ARID1B: variants seen among roughly 807,000 people sequenced by gnomAD.
ARID1B encodes the protein AT-rich interaction domain 1B, also known as AT-rich interactive domain-containing protein 1B.
Under a neutral mutation model 212.3 loss-of-function variants are expected in ARID1B, and 30 were observed. The ratio of observed to expected loss-of-function variants is 0.14; its 90% CI spans 0.11 to 0.19. The LOEUF (loss-of-function observed/expected upper bound fraction) is 0.19. ARID1B is among the 10% of genes least tolerant of loss of function. The probability of loss-of-function intolerance (pLI) is 1.00; values close to 1 mark genes in which losing one functional copy is unlikely to be tolerated. For synonymous variants in ARID1B, 1,402 were observed against 1,301.7 expected, an observed-to-expected ratio of 1.08 and a Z score of -1.66; for missense variants, 2,891 against 3,204.0, an observed-to-expected ratio of 0.90 and a Z score of 2.36.
At chr6:156,918,067 A>G (rs140888216) in intron 3 of ARID1B, among the ~76,000 whole-genome samples, 1 of 152,370 alleles carries the variant, frequency 6.6e-6, no homozygotes, top group East Asian at 1.9e-4. Flanking sequence ...TAATCCACAT[A>G]GTAAGCAAAA....
intron 17 of ARID1B, 94 bp downstream of exon 17, chr6:157,199,001 A>G (rs986724537): frequency 2.9e-6 from 3 of 1,041,782 alleles, no homozygotes; most frequent in Non-Finnish European, 4.1e-6. Flanking sequence ...ATTTTCAGAC[A>G]TCTAACAAAA....
rs996003880 is a variant in ARID1B at position 156,812,937 on chromosome 6, T to G, written c.1792-16290T>G. On this transcript the variant is annotated intron_variant, in intron 1 of 19. Transcript: ENST00000636930. The stretch of plus-strand genomic sequence containing the variant: ...AAATAGAAAATTATAATCCTGGGTG[T>G]GTGTGTGTGTGTGTGTGTGTGTGTG... Among the ~76,000 whole-genome samples, 18 of 59,826 alleles carry G rather than the reference T, an allele frequency of 3.0e-4. 1 individual carries two copies. Among genetic ancestry groups the G allele is most frequent in the African/African-American group, 1.5e-3 (14 of 9,456 alleles). 39.2% of individuals were successfully genotyped at this position (59,826 alleles called of 152,430 possible).
intron 4 of ARID1B, among the ~76,000 whole-genome samples, chr6:157,018,212 CTTTTTT>C (rs1208883079): frequency 6.8e-4 from 49 of 72,458 alleles, no homozygotes; most frequent in African/African-American, 2.7e-3. Flanking sequence ...AAGTAGTATG[CTTTTTT>C]TTTTTTTTTT....
intron 4 of ARID1B, among the ~76,000 whole-genome samples, chr6:157,004,917 T>TGC (rs1562542463): frequency 8.0e-6 from 1 of 125,696 alleles, no homozygotes; most frequent in Non-Finnish European, 1.7e-5. Flanking sequence ...TTTTTTTTTT[T>TGC]TTTTTTTTTT....
intron 5 of ARID1B, among the ~76,000 whole-genome samples, chr6:157,093,743 T>G (rs545843122): frequency 1.8e-4 from 28 of 152,330 alleles, no homozygotes; most frequent in African/African-American, 6.5e-4. Flanking sequence ...ATTACTTCAT[T>G]TGATGGTTTT....
chr6:157,118,369 T>C (rs1236152490), intron 6 of ARID1B, among the ~76,000 whole-genome samples: 1 of 152,248 alleles, frequency 6.6e-6, no homozygotes, highest in African/African-American at 2.4e-5. Flanking sequence ...GAAAATATTC[T>C]CTTAATCTAC....
chr6:157,177,084 T>G (rs147170833), intron 11 of ARID1B, among the ~76,000 whole-genome samples: 190 of 152,342 alleles, frequency 1.2e-3, no homozygotes, highest in African/African-American at 4.2e-3. Context: ...AACTTTGTTT[T>G]CTGATTATAA....
At chr6:156,871,758 G>A in intron 2 of ARID1B, 1 of 1,350,668 alleles carries the variant, frequency 7.4e-7, no homozygotes, top group East Asian at 2.5e-5. Context: ...CAGGAACAGG[G>A]GCTTCTTAGA....
rs769362465 is a variant in ARID1B, at chr6:157,201,001, T to C, written c.4776T>C (p.Asn1592=). 3 of 1,614,138 alleles carry C rather than the reference T, an allele frequency of 1.9e-6. No homozygotes were observed. Among genetic ancestry groups the C allele is most frequent in the Admixed American group, 1.7e-5 (1 of 60,018 alleles). ...AGCAGAATATGTGGGCAGCACGCAA[T>C]GATATGCCTTATCCCTACCAGAACA... ...GPQQNMWAAR[N]DMPYPYQNRQ... is the part of the protein sequence containing the mutation. Residue 1592 remains asparagine, a synonymous_variant, in exon 18 of 20, where the codon AAT becomes AAC. Coordinates refer to ENST00000636930, the MANE Select transcript of ARID1B (RefSeq NM_001374828.1). This position sits in a 1 kb window ranked among gnomAD's most constrained non-coding sequence, Gnocchi z 5.2.
chr6:157,039,680 TCCTTCCTTCCTTCC>T (rs756781807), intron 4 of ARID1B, among the ~76,000 whole-genome samples: 3,950 of 100,316 alleles, frequency 0.039, 149 homozygotes, highest in Non-Finnish European at 0.059. Flanking sequence ...CTTCCTTCCT[TCCTTCCTTCCTTCC>T]TTCTTTCTTT....
chr6:156,824,394 G>A (rs2128028738), intron 1 of ARID1B, among the ~76,000 whole-genome samples: 1 of 152,306 alleles, frequency 6.6e-6, no homozygotes, highest in East Asian at 1.9e-4. Context: ...GGCTGTTTTC[G>A]ATGTGGATGA....
At chr6:157,182,927 T>G (rs1792670759) in intron 12 of ARID1B, among the ~76,000 whole-genome samples, 1 of 152,152 alleles carries the variant, frequency 6.6e-6, no homozygotes, top group South Asian at 2.1e-4. Context: ...TCACCAAGAC[T>G]GCTCAAACGA....
intron 5 of ARID1B, among the ~76,000 whole-genome samples, chr6:157,093,803 C>T (rs780144883): frequency 2.0e-4 from 31 of 152,148 alleles, no homozygotes; most frequent in Non-Finnish European, 4.0e-4. Flanking sequence ...AGGAGATATC[C>T]TGTGGAAAGC....
chr6:156,810,829 G>T (rs1204021284), intron 1 of ARID1B, among the ~76,000 whole-genome samples: 1 of 152,194 alleles, frequency 6.6e-6, no homozygotes, highest in African/African-American at 2.4e-5. Flanking sequence ...TATATGAAAT[G>T]TGTATTATTT....
At chr6:157,095,241 G>T (rs12193101) in intron 5 of ARID1B, among the ~76,000 whole-genome samples, 1 of 152,094 alleles carries the variant, frequency 6.6e-6, no homozygotes, top group East Asian at 1.9e-4. Flanking sequence ...GTGAGTGAAG[G>T]TCAGTGCTCC....
chr6:156,901,620 T>A, intron 3 of ARID1B, 95 bp downstream of exon 3: 5 of 1,428,362 alleles, frequency 3.5e-6, no homozygotes, highest in Non-Finnish European at 4.6e-6. Flanking sequence ...AAAATTATGT[T>A]CTGGTGGAAA....
intron 4 of ARID1B, chr6:156,985,339 C>T (rs1777857716): frequency 6.6e-6 from 1 of 152,158 alleles, no homozygotes; most frequent in Admixed American, 6.5e-5. Context: ...CATTTTTGTA[C>T]TTAGCGTTTG....
intron 2 of ARID1B, chr6:156,870,631 A>G (rs1786052387): frequency 6.6e-6 from 1 of 152,230 alleles, no homozygotes; most frequent in Non-Finnish European, 1.5e-5. Context: ...TCAAATACTG[A>G]GTCTGTGTGG....
At chr6:156,917,248 C>T (rs763097737) in intron 3 of ARID1B, among the ~76,000 whole-genome samples, 3 of 152,062 alleles carry the variant, frequency 2.0e-5, no homozygotes, top group Non-Finnish European at 4.4e-5. Context: ...ATAGTTGTTT[C>T]GGATTCTTAA....
Sources: allele counts gnomAD v4.1 joint callset (sites outside exome capture counted in the v4.1 genomes callset), GRCh38; gene constraint gnomAD v4.1.1; non-coding constraint Gnocchi (gnomAD v3.1); transcripts MANE v1.5; gene names NCBI Gene and HGNC (gene_info 2026-07-23, HGNC 2026-07-21).